COX7A2L: variants seen among roughly 807,000 people sequenced by gnomAD.
The protein encoded by COX7A2L is cytochrome c oxidase subunit 7A2 like, also known as cytochrome c oxidase subunit 7A2-like, mitochondrial.
Under a neutral mutation model 14.2 loss-of-function variants are expected in COX7A2L, and 18 were observed. The observed-to-expected ratio is 1.27, with a 90% CI of 0.88 to 1.88. COX7A2L has a LOEUF of 1.88. Ranked by LOEUF, COX7A2L falls within the 40% of genes most tolerant of loss-of-function variation. COX7A2L has a pLI of 0.00. For missense variants in COX7A2L, 179 were observed against 138.8 expected (o/e 1.29, Z -1.46); for synonymous variants, 65 against 57.4 (o/e 1.13, Z -0.60).
In COX7A2L at chr2:42,340,289, T is replaced by C. The variant is rs527347765; in HGVS notation, c.193-6420A>G. ...GTTGTCACACTGAGTTCACTCTGCC[T>C]TCCTCGCGCCCCTGGGATCCATTCT... On this transcript the variant is annotated intron_variant, in intron 2 of 2. Transcript: ENST00000468711. Among the ~76,000 whole-genome samples the C allele has an allele frequency of 4.6e-5, 7 of 152,242 alleles. No homozygotes were observed. The East Asian group carries it at 1.2e-3, about 25-fold the overall frequency.
At chr2:42,353,575 C>T (rs1323209696) in intron 1 of COX7A2L, among the ~76,000 whole-genome samples, 4 of 152,206 alleles carry the variant, frequency 2.6e-5, no homozygotes, top group South Asian at 4.1e-4. Flanking sequence ...TGTCTATCTT[C>T]TTAGCAACCA....
At chr2:42,352,587 T>C (rs1670682617) in intron 2 of COX7A2L, among the ~76,000 whole-genome samples, 1 of 152,216 alleles carries the variant, frequency 6.6e-6, no homozygotes, top group South Asian at 2.1e-4. Flanking sequence ...AAGATGGGTC[T>C]GGATCTGGAC....
chr2:42,350,255 G>A lies in COX7A2L; in HGVS notation c.*964C>T, dbSNP rs1670595887. The A allele has an allele frequency of 6.6e-6, 1 of 152,114 alleles. No individual in the cohort carries two copies. Among genetic ancestry groups the A allele is most frequent in the Non-Finnish European group, 1.5e-5 (1 of 68,034 alleles). 9.4% of individuals were successfully genotyped at this position (152,114 alleles called of 1,614,324 possible). A position where few individuals can be genotyped will look rare whatever the true frequency, so the allele number is the denominator to read the frequency against. The stretch of plus-strand genomic sequence containing the variant: ...AAGTCTACCAATCATGACAGCAAAG[G>A]AAATTAGTGTCTAAATGAACTGTGA... On this transcript the variant is annotated 3_prime_UTR_variant, in exon 3 of 3. Coordinates refer to ENST00000234301, the MANE Select transcript of COX7A2L (RefSeq NM_004718.4).
intron 1 of COX7A2L, among the ~76,000 whole-genome samples, chr2:42,354,861 A>AT (rs1366167195): frequency 4.0e-5 from 6 of 151,884 alleles, no homozygotes; most frequent in Admixed American, 3.9e-4. Flanking sequence ...GCTAATATCT[A>AT]TTTAACCCTT....
At chr2:42,340,222 G>A (rs1416820152) in intron 2 of COX7A2L, among the ~76,000 whole-genome samples, 1 of 152,030 alleles carries the variant, frequency 6.6e-6, no homozygotes, top group African/African-American at 2.4e-5. Context: ...GCACCATCCT[G>A]GGGGTACCCC....
intron 1 of COX7A2L, among the ~76,000 whole-genome samples, chr2:42,367,105 A>G (rs1671178566): frequency 1.3e-5 from 2 of 152,204 alleles, no homozygotes; most frequent in African/African-American, 4.8e-5. Context: ...TCAGATTCTC[A>G]GATGGTGGAG....
At chr2:42,348,875 G>C (rs28873715), downstream of COX7A2L, among the ~76,000 whole-genome samples, 3,974 of 152,016 alleles carry the variant, frequency 0.026, 178 homozygotes, top group African/African-American at 0.09. Flanking sequence ...CCAAGATCAC[G>C]TCACTGCTCT....
intron 1 of COX7A2L, among the ~76,000 whole-genome samples, chr2:42,356,384 G>C (rs1004092005): frequency 1.3e-5 from 2 of 152,068 alleles, no homozygotes; most frequent in African/African-American, 4.8e-5. Context: ...CACTATAATG[G>C]AAGCTCCACA....
intron 2 of COX7A2L, among the ~76,000 whole-genome samples, chr2:42,337,609 C>G (rs1293485738): frequency 6.6e-6 from 1 of 152,134 alleles, no homozygotes; most frequent in African/African-American, 2.4e-5. Flanking sequence ...AGCCTGTGGT[C>G]TGGATTACTG....
chr2:42,363,261 G>A (rs1369615842), upstream of COX7A2L, among the ~76,000 whole-genome samples: 1 of 152,150 alleles, frequency 6.6e-6, no homozygotes, highest in African/African-American at 2.4e-5. Flanking sequence ...ATGATCCATT[G>A]ACATTAGCCT....
In COX7A2L at chr2:42,361,078, C is replaced by T. The variant is rs1671019302; in HGVS notation, c.72+12G>A. The T allele has an allele frequency of 1.2e-6, 2 of 1,612,802 alleles. No individual in the cohort carries two copies. The highest frequency in any genetic ancestry group is 1.7e-6 in the Non-Finnish European group (2 of 1,179,560). ...ACTTCTCATGTCCGAGCTGGCCAGG[C>T]GCCACTCGTACCTGCGGGCTATAGG... On this transcript the variant is annotated intron_variant, in intron 1 of 2. Transcript: ENST00000234301.
In COX7A2L at chr2:42,342,427, A is replaced by G. The variant is rs1670419146; in HGVS notation, c.193-8558T>C. On this transcript the variant is annotated intron_variant, in intron 2 of 2. Coordinates refer to the COX7A2L transcript ENST00000468711. This position sits in a 1 kb window ranked among gnomAD's most constrained non-coding sequence, Gnocchi z 4.9. ...GGCAGGCACCAGGTACGGCCCACAC[A>G]GACTCAGCCTCTCCTTCCCTGCCTT... Among the ~76,000 whole-genome samples, 1 of 152,076 alleles carries G rather than the reference A, an allele frequency of 6.6e-6. No homozygotes were observed. The highest frequency in any genetic ancestry group is 1.5e-5 in the Non-Finnish European group (1 of 68,010).
chr2:42,353,923 A>G (rs1670732278), intron 1 of COX7A2L, among the ~76,000 whole-genome samples: 1 of 152,236 alleles, frequency 6.6e-6, no homozygotes, highest in Non-Finnish European at 1.5e-5. Context: ...AAGGGGAGGA[A>G]GTACTGACAC....
At chr2:42,347,307 CTTTTT>C (rs10718452), downstream of COX7A2L, among the ~76,000 whole-genome samples, 2 of 135,050 alleles carry the variant, frequency 1.5e-5, no homozygotes, top group Non-Finnish European at 3.2e-5. Flanking sequence ...AAACCAGCAC[CTTTTT>C]TTTTTTTTTT....
Position 42,339,383 on chromosome 2 carries a change from G to A in COX7A2L, c.193-5514C>T, listed in dbSNP as rs1353246391. 6.6e-6 allele frequency among the ~76,000 whole-genome samples: 1 copy of A among 152,168 alleles called. No individual in the cohort carries two copies. Among genetic ancestry groups the A allele is most frequent in the East Asian group, 1.9e-4 (1 of 5,188 alleles). On this transcript the variant is annotated intron_variant, in intron 2 of 2. Transcript: ENST00000468711. The surrounding 1 kb of genome is among the most constrained non-coding windows in gnomAD (Gnocchi z 5.4). ...TCCACACCACTCACTCGAAGCATGAGAGACACACACTAGTGGTGAACCAAG... is the reference window on the plus strand; with the variant it reads ...TCCACACCACTCACTCGAAGCATGAAAGACACACACTAGTGGTGAACCAAG...
chr2:42,354,276 A>C (rs954244786), intron 1 of COX7A2L, among the ~76,000 whole-genome samples: 1 of 152,220 alleles, frequency 6.6e-6, no homozygotes, highest in Non-Finnish European at 1.5e-5. Flanking sequence ...GCTTTAAAAA[A>C]AGGTGGGGGG....
chr2:42,361,460 A>G (rs1443779960), upstream of COX7A2L: 5 of 283,532 alleles, frequency 1.8e-5, no homozygotes, highest in Non-Finnish European at 3.4e-5. Context: ...GGGCAGTGCC[A>G]CGACAACTCA....
At chr2:42,365,305 A>G (rs1190408653), upstream of COX7A2L, among the ~76,000 whole-genome samples, 1 of 152,196 alleles carries the variant, frequency 6.6e-6, no homozygotes, top group Non-Finnish European at 1.5e-5. Context: ...AGCATACATG[A>G]GTTCTGTAAG....
chr2:42,363,722 T>C (rs1671105129), upstream of COX7A2L, among the ~76,000 whole-genome samples: 1 of 152,224 alleles, frequency 6.6e-6, no homozygotes, highest in African/African-American at 2.4e-5. Flanking sequence ...TATTTGCATA[T>C]CCCATCCAAC....
Sources: allele counts gnomAD v4.1 joint callset (sites outside exome capture counted in the v4.1 genomes callset), GRCh38; gene constraint gnomAD v4.1.1; non-coding constraint Gnocchi (gnomAD v3.1); transcripts MANE v1.5; gene names NCBI Gene and HGNC (gene_info 2026-07-23, HGNC 2026-07-21).